Variants in ITPR2 observed in about 807,000 individuals in gnomAD.
ITPR2 encodes the protein inositol 1,4,5-trisphosphate-gated calcium channel ITPR2.
ITPR2 carries 207 observed loss-of-function variants against 317.1 expected under a neutral mutation model. The ratio of observed to expected loss-of-function variants is 0.65; its 90% CI spans 0.58 to 0.73. ITPR2 has a LOEUF of 0.73. Ranked by LOEUF, ITPR2 falls within the 30% of genes least tolerant of loss-of-function variation. ITPR2 has a pLI of 0.00. For synonymous variants in ITPR2, 1,156 were observed against 1,149.1 expected, an observed-to-expected ratio of 1.01 and a Z score of -0.12; for missense variants, 2,613 against 3,284.0, an observed-to-expected ratio of 0.80 and a Z score of 4.99.
chr12:26,762,110 G>A (rs1195890069), intron 2 of ITPR2, among the ~76,000 whole-genome samples: 5 of 152,108 alleles, frequency 3.3e-5, no homozygotes, highest in Non-Finnish European at 5.9e-5. Context: ...ATATCATCAA[G>A]AGAACTGATA....
chr12:26,748,392 C>A (rs1949360553), intron 2 of ITPR2, among the ~76,000 whole-genome samples: 1 of 152,110 alleles, frequency 6.6e-6, no homozygotes, highest in Non-Finnish European at 1.5e-5. Context: ...TACACTTAAT[C>A]CTATACTATT....
At chr12:26,604,848 C>G (rs1359209379) in intron 26 of ITPR2, among the ~76,000 whole-genome samples, 1 of 152,030 alleles carries the variant, frequency 6.6e-6, no homozygotes, top group African/African-American at 2.4e-5. Context: ...GTAATCCCGG[C>G]ACTTTGGGAG....
intron 49 of ITPR2, among the ~76,000 whole-genome samples, chr12:26,424,081 A>G (rs1210975288): frequency 2.6e-5 from 4 of 152,176 alleles, no homozygotes; most frequent in African/African-American, 9.7e-5. Flanking sequence ...AAGAACCAAA[A>G]CACAAATATT....
intron 37 of ITPR2, among the ~76,000 whole-genome samples, chr12:26,506,205 C>A (rs1363754424): frequency 3.9e-5 from 4 of 101,396 alleles, no homozygotes; most frequent in African/African-American, 1.3e-4. Context: ...CTCTTCTCTA[C>A]CAAATTAAAA....
chr12:26,632,686 C>G (rs1946782001), intron 21 of ITPR2, among the ~76,000 whole-genome samples: 1 of 152,114 alleles, frequency 6.6e-6, no homozygotes, highest in Admixed American at 6.5e-5. Context: ...ACTCAAAATC[C>G]ACAGAAAGCA....
At chr12:26,518,223 A>G (rs762233636) in intron 37 of ITPR2, among the ~76,000 whole-genome samples, 6 of 152,242 alleles carry the variant, frequency 3.9e-5, no homozygotes, top group Admixed American at 1.3e-4. Context: ...TTGCAGCAAC[A>G]TGGATGGAGC....
Position 26,764,279 on chromosome 12 carries a change from T to A in ITPR2, c.163+25878A>T, listed in dbSNP as rs1437788663. On this transcript the variant is annotated intron_variant, in intron 2 of 56. Transcript: ENST00000381340. Reference sequence around the variant, plus strand: ...AAATAACATAGGAAAAAAATCTAGATGACCTCAAGTGTGGCAATGACTTTT... The same window carrying A: ...AAATAACATAGGAAAAAAATCTAGAAGACCTCAAGTGTGGCAATGACTTTT... Among the ~76,000 whole-genome samples the A allele has an allele frequency of 2.0e-5, 3 of 152,146 alleles. No homozygotes were observed. The East Asian group carries it at 5.8e-4, about 29-fold the overall frequency.
At chr12:26,463,270 A>G (rs1268629938) in intron 45 of ITPR2, among the ~76,000 whole-genome samples, 1 of 152,144 alleles carries the variant, frequency 6.6e-6, no homozygotes, top group Non-Finnish European at 1.5e-5. Context: ...GTTAGTGGAT[A>G]TTTTCTAAAG....
chr12:26,767,309 G>A (rs887962824), intron 2 of ITPR2, among the ~76,000 whole-genome samples: 1 of 152,182 alleles, frequency 6.6e-6, no homozygotes, highest in African/African-American at 2.4e-5. Context: ...ACCTGCCTCT[G>A]CTCCCTCCAG....
At chr12:26,699,867 A>G (rs1028206157) in intron 9 of ITPR2, among the ~76,000 whole-genome samples, 1 of 152,198 alleles carries the variant, frequency 6.6e-6, no homozygotes, top group Non-Finnish European at 1.5e-5. Flanking sequence ...AAGAAGGAGG[A>G]AAAAGACATG....
intron 13 of ITPR2, among the ~76,000 whole-genome samples, chr12:26,674,427 G>C (rs1468507240): frequency 6.6e-6 from 1 of 152,262 alleles, no homozygotes. Context: ...ACAAACCTGA[G>C]AGAAACAAGC....
At chr12:26,391,628 G>A (rs997441841) in intron 54 of ITPR2, among the ~76,000 whole-genome samples, 7 of 134,332 alleles carry the variant, frequency 5.2e-5, no homozygotes, top group Admixed American at 1.7e-4. Context: ...GCAGTGGTGC[G>A]ATCTCAGCTC....
intron 34 of ITPR2, among the ~76,000 whole-genome samples, chr12:26,573,465 G>A (rs539827651): frequency 6.6e-6 from 1 of 152,190 alleles, no homozygotes; most frequent in East Asian, 1.9e-4. Context: ...AAAGGGGGGT[G>A]GGGCAGACAA....
intron 32 of ITPR2, among the ~76,000 whole-genome samples, chr12:26,593,692 T>G (rs1240261021): frequency 6.6e-6 from 1 of 152,006 alleles, no homozygotes; most frequent in African/African-American, 2.4e-5. Flanking sequence ...ATAAATAACA[T>G]TAATTATCCA....
chr12:26,434,526 A>G (rs766091638), intron 48 of ITPR2, among the ~76,000 whole-genome samples: 1 of 152,200 alleles, frequency 6.6e-6, no homozygotes, highest in African/African-American at 2.4e-5. Context: ...CAGAGCCTAC[A>G]TACATTGGCT....
intron 2 of ITPR2, among the ~76,000 whole-genome samples, chr12:26,743,083 A>G (rs1454672035): frequency 6.6e-6 from 1 of 152,232 alleles, no homozygotes; most frequent in Non-Finnish European, 1.5e-5. Context: ...TGGTTGCACA[A>G]ACTTGTGAAT....
At chr12:26,680,771 T>G (rs143510972) in intron 13 of ITPR2, among the ~76,000 whole-genome samples, 1 of 152,216 alleles carries the variant, frequency 6.6e-6, no homozygotes, top group Non-Finnish European at 1.5e-5. Flanking sequence ...CAACTGGTGA[T>G]GGACATTTGG....
intron 2 of ITPR2, among the ~76,000 whole-genome samples, chr12:26,758,511 A>G (rs1415545459): frequency 6.6e-6 from 1 of 152,168 alleles, no homozygotes; most frequent in East Asian, 1.9e-4. Flanking sequence ...TCTAGCCATA[A>G]TGGTCCCCAA....
At chr12:26,426,840 T>G (rs1361300711) in intron 49 of ITPR2, among the ~76,000 whole-genome samples, 7 of 150,822 alleles carry the variant, frequency 4.6e-5, no homozygotes, top group Admixed American at 4.6e-4. Flanking sequence ...AATAAATACA[T>G]TTTATTTATT....
Sources: gnomAD v4.1 joint callset for allele counts (sites outside exome capture counted in the v4.1 genomes callset) on GRCh38, gnomAD v4.1.1 for gene constraint, MANE v1.5 for transcripts, NCBI Gene and HGNC (gene_info 2026-07-23, HGNC 2026-07-21) for gene names.